VPS54: variants seen among roughly 807,000 people sequenced by gnomAD.
VPS54 encodes the protein vacuolar protein sorting-associated protein 54.
A neutral mutation model predicts 121.5 loss-of-function variants in VPS54; 45 were observed. The observed-to-expected ratio is 0.37, with a 90% CI of 0.29 to 0.47. The LOEUF (loss-of-function observed/expected upper bound fraction) is 0.47. Among genes scored for constraint, VPS54 ranks in the 20% least tolerant of loss-of-function variants. The pLI is 0.99. For missense variants in VPS54, 1,090 were observed against 1,131.4 expected (o/e 0.96, Z 0.52); for synonymous variants, 371 against 385.8 (o/e 0.96, Z 0.45).
At chr2:64,014,597 G>T (rs974396265) in intron 1 of VPS54, among the ~76,000 whole-genome samples, 4 of 108,290 alleles carry the variant, frequency 3.7e-5, no homozygotes, top group African/African-American at 5.3e-5. Context: ...CCCTAGAGAG[G>T]CTGTCAGCCA....
intron 1 of VPS54, among the ~76,000 whole-genome samples, chr2:64,001,091 G>C (rs1677851629): frequency 6.6e-6 from 1 of 152,202 alleles, no homozygotes; most frequent in Admixed American, 6.5e-5. Context: ...CAAATCATGA[G>C]ACACGGTCAT....
intron 12 of VPS54, among the ~76,000 whole-genome samples, chr2:63,924,200 T>C (rs895438949): frequency 2.0e-5 from 3 of 152,320 alleles, no homozygotes; most frequent in Middle Eastern, 3.4e-3. Flanking sequence ...CTAACTATCT[T>C]TCAGTATCTG....
chr2:63,894,935 A>C (rs968516030), intron 22 of VPS54, among the ~76,000 whole-genome samples: 3 of 152,232 alleles, frequency 2.0e-5, no homozygotes, highest in Admixed American at 2.0e-4. Context: ...TGTTACCTAA[A>C]GGCTGGGAGA....
At chr2:63,952,761 A>G (rs1415720283) in intron 7 of VPS54, among the ~76,000 whole-genome samples, 2 of 152,230 alleles carry the variant, frequency 1.3e-5, no homozygotes, top group Admixed American at 1.3e-4. Flanking sequence ...GAATATTTCC[A>G]CCAGTACAAA....
At position 63,895,448 on chromosome 2, in the gene VPS54, C is replaced by T. The variant is rs567146000; in HGVS notation, c.2829-1913G>A. On this transcript the variant is annotated intron_variant, in intron 22 of 22. Transcript: ENST00000272322. ...CAGCCTGTGTGACAGAGTGATACTCCATCTCAAAATAAAATCAAAGTACAG... is the reference window on the plus strand; with the variant it reads ...CAGCCTGTGTGACAGAGTGATACTCTATCTCAAAATAAAATCAAAGTACAG... Among the ~76,000 whole-genome samples, 4 of 152,212 alleles carry T rather than the reference C, an allele frequency of 2.6e-5. No homozygotes were observed. In the East Asian group the frequency reaches 7.7e-4, roughly 29 times the overall value.
intron 1 of VPS54, among the ~76,000 whole-genome samples, chr2:63,991,745 A>G (rs936640539): frequency 1.3e-4 from 20 of 152,152 alleles, no homozygotes; most frequent in Admixed American, 5.9e-4. Flanking sequence ...CCAGGCCCCA[A>G]TATCAAATGG....
At chr2:63,986,482 TACC>T (rs747712490) in intron 1 of VPS54, among the ~76,000 whole-genome samples, 1 of 152,256 alleles carries the variant, frequency 6.6e-6, no homozygotes, top group African/African-American at 2.4e-5. Context: ...TGTGTATATG[TACC>T]ACATTTTCTT....
At chr2:63,958,202 A>G (rs1169829922) in intron 7 of VPS54, among the ~76,000 whole-genome samples, 1 of 152,172 alleles carries the variant, frequency 6.6e-6, no homozygotes, top group Non-Finnish European at 1.5e-5. Context: ...ATGACAAAAC[A>G]TGGTAGGAGA....
chr2:63,986,880 A>G (rs952489300), intron 1 of VPS54, among the ~76,000 whole-genome samples: 1 of 152,220 alleles, frequency 6.6e-6, no homozygotes, highest in African/African-American at 2.4e-5. Flanking sequence ...CTTGAGTAAT[A>G]TCTATTCAGA....
intron 5 of VPS54, among the ~76,000 whole-genome samples, chr2:63,968,345 C>CA (rs909225712): frequency 2.0e-5 from 3 of 149,060 alleles, no homozygotes; most frequent in Non-Finnish European, 3.0e-5. Context: ...ACTGATGATG[C>CA]AAAAGAGAAA....
At chr2:63,963,178 T>G (rs1675845982) in intron 6 of VPS54, among the ~76,000 whole-genome samples, 1 of 152,146 alleles carries the variant, frequency 6.6e-6, no homozygotes, top group Non-Finnish European at 1.5e-5. Context: ...AAAGTGATTC[T>G]TTTATCAATT....
intron 6 of VPS54, among the ~76,000 whole-genome samples, chr2:63,965,089 ATT>A (rs1559025922): frequency 6.6e-6 from 1 of 152,164 alleles, no homozygotes; most frequent in African/African-American, 2.4e-5. Context: ...TCTTTAAGAT[ATT>A]TTTGTTTCAA....
intron 21 of VPS54, 99 bp downstream of exon 21, chr2:63,899,375 A>G (rs930381113): frequency 3.1e-6 from 3 of 962,698 alleles, no homozygotes; most frequent in Non-Finnish European, 3.1e-6. Context: ...ATATTGGAAC[A>G]TGAACAGCTT....
chr2:64,009,380 A>G (rs921709667), intron 1 of VPS54, among the ~76,000 whole-genome samples: 1 of 151,964 alleles, frequency 6.6e-6, no homozygotes, highest in Non-Finnish European at 1.5e-5. Flanking sequence ...CAGTGGCAAG[A>G]TCTCAGTTCA....
At chr2:63,981,323 T>C (rs1676790332) in intron 3 of VPS54, among the ~76,000 whole-genome samples, 1 of 152,112 alleles carries the variant, frequency 6.6e-6, no homozygotes, top group Non-Finnish European at 1.5e-5. Context: ...AGTAATATTC[T>C]GCCAATTTCT....
chr2:63,998,229 T>C (rs567565234), intron 1 of VPS54, among the ~76,000 whole-genome samples: 26 of 152,330 alleles, frequency 1.7e-4, no homozygotes, highest in Non-Finnish European at 3.4e-4. Flanking sequence ...GTTTGTGTCT[T>C]GAAATCTATT....
At chr2:63,930,898 C>T (rs551174584) in intron 12 of VPS54, among the ~76,000 whole-genome samples, 1,559 of 152,074 alleles carry the variant, frequency 0.01, 23 homozygotes, top group African/African-American at 0.036. Flanking sequence ...AAATCATGAG[C>T]GAACTCCCAT....
intron 1 of VPS54, among the ~76,000 whole-genome samples, chr2:63,992,507 A>G (rs1355545936): frequency 2.0e-5 from 3 of 152,266 alleles, no homozygotes; most frequent in Non-Finnish European, 4.4e-5. Context: ...GGCCACTGCC[A>G]CGCCTCCTGA....
At chr2:63,894,230 C>CA (rs1421074034) in intron 22 of VPS54, among the ~76,000 whole-genome samples, 1 of 152,186 alleles carries the variant, frequency 6.6e-6, no homozygotes, top group Non-Finnish European at 1.5e-5. Flanking sequence ...TTGGTACAGC[C>CA]ACTGTCAATA....
Sources: allele counts gnomAD v4.1 joint callset (sites outside exome capture counted in the v4.1 genomes callset), GRCh38; gene constraint gnomAD v4.1.1; transcripts MANE v1.5; gene names NCBI Gene and HGNC (gene_info 2026-07-23, HGNC 2026-07-21).